TENM2: variants seen among roughly 807,000 people sequenced by gnomAD.
TENM2 encodes the protein teneurin transmembrane protein 2.
In TENM2, 52 loss-of-function variants were observed where a neutral mutation model predicts 245.2. That is an observed-to-expected ratio of 0.21 (90% confidence interval 0.17 to 0.27). The LOEUF (loss-of-function observed/expected upper bound fraction) is 0.27. Ranked by LOEUF, TENM2 falls within the 10% of genes least tolerant of loss-of-function variation. The pLI, the probability that TENM2 is intolerant of heterozygous loss-of-function variation, is 1.00. For synonymous variants in TENM2, 1,363 were observed against 1,438.9 expected (o/e 0.95, Z 1.19); for missense variants, 3,046 against 3,666.8 (o/e 0.83, Z 4.37).
intron 4 of TENM2, among the ~76,000 whole-genome samples, chr5:167,980,608 A>C (rs1045111789): frequency 2.6e-5 from 4 of 152,212 alleles, no homozygotes; most frequent in African/African-American, 9.6e-5. Flanking sequence ...GCCATGATGC[A>C]GAGCAGGATA....
At position 167,973,044 on chromosome 5, in the gene TENM2, C is replaced by T. The variant is rs77035855; in HGVS notation, c.948-19900C>T. Among the ~76,000 whole-genome samples the T allele has an allele frequency of 3.9e-4, 60 of 152,310 alleles. No homozygotes were observed. The East Asian group carries it at 0.011, about 28-fold the overall frequency. On this transcript the variant is annotated intron_variant, in intron 4 of 28. Transcript: ENST00000518659. ...TATTTGGCAATGTTTGAGTTTGCCT[C>T]TTCTCCTCATCCACCTTGCCTCTAT...
chr5:168,223,936 A>G (rs1763908326), intron 23 of TENM2, among the ~76,000 whole-genome samples: 1 of 149,158 alleles, frequency 6.7e-6, no homozygotes, highest in Non-Finnish European at 1.5e-5. Flanking sequence ...AAAAAAAGCT[A>G]CTGTCAAGGG....
At chr5:167,165,819 AC>A in the TENM2 span, among the ~76,000 whole-genome samples, 4 of 152,216 alleles carry the variant, frequency 2.6e-5, no homozygotes, top group African/African-American at 7.2e-5. Flanking sequence ...TTATGTCTAT[AC>A]AGCCAGAAAG....
chr5:167,392,065 C>T (rs930296541), intron 2 of TENM2, among the ~76,000 whole-genome samples: 2 of 152,004 alleles, frequency 1.3e-5, no homozygotes, highest in Non-Finnish European at 2.9e-5. Flanking sequence ...TGATGGCTTC[C>T]GGTGTTGGTG....
exon 29 of TENM2, chr5:168,262,558 G>T (rs983122614): frequency 6.4e-7 from 1 of 1,560,442 alleles, no homozygotes. Flanking sequence ...TGGACGAAGA[G>T]AAGGCCCGCG....
At chr5:167,715,608 G>A (rs951707093) in intron 2 of TENM2, among the ~76,000 whole-genome samples, 6 of 152,174 alleles carry the variant, frequency 3.9e-5, no homozygotes, top group African/African-American at 1.4e-4. Flanking sequence ...ATTTCCTAGG[G>A]ACAATAAGAC....
chr5:168,058,422 C>T (rs937664515), intron 6 of TENM2, among the ~76,000 whole-genome samples: 4 of 152,106 alleles, frequency 2.6e-5, no homozygotes, highest in Admixed American at 2.6e-4. Flanking sequence ...GGAAGGCATG[C>T]AAAATCAAGT....
intron 2 of TENM2, among the ~76,000 whole-genome samples, chr5:167,601,991 A>C (rs1776667332): frequency 6.6e-6 from 1 of 150,672 alleles, no homozygotes. Context: ...GGGAGAGAGA[A>C]GAAAGGGGAA....
intron 2 of TENM2, among the ~76,000 whole-genome samples, chr5:167,480,502 C>T (rs890570434): frequency 2.6e-5 from 4 of 152,072 alleles, no homozygotes; most frequent in East Asian, 3.9e-4. Flanking sequence ...GGTAGCTATT[C>T]GGTGTTTTCC....
At chr5:167,571,903 A>T (rs537682871) in intron 2 of TENM2, among the ~76,000 whole-genome samples, 35 of 152,250 alleles carry the variant, frequency 2.3e-4, no homozygotes, top group Admixed American at 2.2e-3. Flanking sequence ...GCTGCTTCCA[A>T]TACACTCTGC....
intron 5 of TENM2, among the ~76,000 whole-genome samples, chr5:168,022,208 C>T (rs567475376): frequency 2.6e-5 from 4 of 152,354 alleles, no homozygotes; most frequent in South Asian, 2.1e-4. Context: ...GGGGATGCAG[C>T]GCAGAGAAGA....
At chr5:167,802,850 C>G (rs777097618) in intron 2 of TENM2, among the ~76,000 whole-genome samples, 2 of 152,164 alleles carry the variant, frequency 1.3e-5, no homozygotes, top group Non-Finnish European at 2.9e-5. Context: ...AAGGTTCACA[C>G]CTGTCAACCT....
intron 5 of TENM2, among the ~76,000 whole-genome samples, chr5:168,035,466 C>T (rs554823578): frequency 7.1e-6 from 1 of 141,300 alleles, no homozygotes; most frequent in South Asian, 2.2e-4. Context: ...TGCTGCAATA[C>T]AGCCTGGGCG....
intron 2 of TENM2, among the ~76,000 whole-genome samples, chr5:167,540,053 C>T (rs1160069989): frequency 1.3e-5 from 2 of 152,160 alleles, no homozygotes; most frequent in Non-Finnish European, 2.9e-5. Flanking sequence ...GGTACAGTAA[C>T]TTTAAGTGAT....
intron 7 of TENM2, among the ~76,000 whole-genome samples, chr5:168,084,661 A>G (rs1339040015): frequency 6.6e-6 from 1 of 152,200 alleles, no homozygotes; most frequent in Non-Finnish European, 1.5e-5. Context: ...TGAGCTTGGC[A>G]TCTTCCAGGA....
chr5:168,226,722 A>G (rs1038150215), intron 24 of TENM2, among the ~76,000 whole-genome samples: 6 of 152,100 alleles, frequency 3.9e-5, no homozygotes, highest in Admixed American at 3.3e-4. Flanking sequence ...TTGCCCTGGG[A>G]CTGGAGCTCT....
chr5:168,253,256 C>T (rs561073503), intron 27 of TENM2, among the ~76,000 whole-genome samples: 3 of 151,820 alleles, frequency 2.0e-5, no homozygotes, highest in Admixed American at 6.6e-5. Context: ...CGTGAGCCAC[C>T]GCGCCTGGCA....
intron 3 of TENM2, among the ~76,000 whole-genome samples, chr5:167,922,467 A>G (rs1481126857): frequency 1.3e-5 from 2 of 152,188 alleles, no homozygotes; most frequent in Non-Finnish European, 2.9e-5. Context: ...CTAGATGCTG[A>G]TAAAACACAC....
At chr5:166,996,551 A>G in the TENM2 span, among the ~76,000 whole-genome samples, 1 of 152,162 alleles carries the variant, frequency 6.6e-6, no homozygotes, top group Admixed American at 6.5e-5. Flanking sequence ...TTTGGTGTCT[A>G]CTATTTGGCC....
Sources: gnomAD v4.1 joint callset for allele counts (sites outside exome capture counted in the v4.1 genomes callset) on GRCh38, gnomAD v4.1.1 for gene constraint, MANE v1.5 for transcripts, NCBI Gene and HGNC (gene_info 2026-07-23, HGNC 2026-07-21) for gene names.